FBXL5: variants seen among roughly 807,000 people sequenced by gnomAD.
FBXL5 encodes F-box/LRR-repeat protein 5.
Under a neutral mutation model 78.3 loss-of-function variants are expected in FBXL5, and 26 were observed. That is an observed-to-expected ratio of 0.33 (90% CI 0.24 to 0.46). The LOEUF (loss-of-function observed/expected upper bound fraction) is 0.46. Ranked by LOEUF, FBXL5 falls within the 20% of genes least tolerant of loss-of-function variation. FBXL5 has a pLI of 1.00. For missense variants in FBXL5, 710 were observed against 829.2 expected (o/e 0.86, Z 1.77); for synonymous variants, 295 against 282.5 (o/e 1.04, Z -0.45).
chr4:15,651,751 C>G (rs1055361250), intron 1 of FBXL5, among the ~76,000 whole-genome samples: 1 of 152,164 alleles, frequency 6.6e-6, no homozygotes, highest in Non-Finnish European at 1.5e-5. Context: ...GTAAACAGCA[C>G]TTTTAATACC....
At chr4:15,666,840 A>C (rs750036851) in intron 1 of FBXL5, among the ~76,000 whole-genome samples, 2 of 152,012 alleles carry the variant, frequency 1.3e-5, no homozygotes, top group African/African-American at 2.4e-5. Flanking sequence ...AACTAAACTA[A>C]ACTAAGAGTA....
chr4:15,613,201 G>A (rs1397130353), intron 9 of FBXL5, among the ~76,000 whole-genome samples: 2 of 152,128 alleles, frequency 1.3e-5, no homozygotes, highest in Non-Finnish European at 2.9e-5. Context: ...AAGGGGGAGT[G>A]AGAAGTGACT....
chr4:15,661,443 A>G (rs931294973), upstream of FBXL5, among the ~76,000 whole-genome samples: 1 of 152,222 alleles, frequency 6.6e-6, no homozygotes, highest in African/African-American at 2.4e-5. Flanking sequence ...TTTTACCTGT[A>G]AAATGAGCAG....
chr4:15,615,107 C>T (rs979903361), intron 9 of FBXL5, among the ~76,000 whole-genome samples: 3 of 152,164 alleles, frequency 2.0e-5, no homozygotes, highest in Non-Finnish European at 4.4e-5. Context: ...GCCAGCCCAC[C>T]GGCACCGCGC....
intron 1 of FBXL5, among the ~76,000 whole-genome samples, chr4:15,647,325 T>C (rs1715479470): frequency 6.6e-6 from 1 of 151,520 alleles, no homozygotes; most frequent in East Asian, 1.9e-4. Context: ...ATTTTCACTG[T>C]ATTATGTATT....
intron 2 of FBXL5, among the ~76,000 whole-genome samples, chr4:15,642,633 A>G (rs948251994): frequency 1.3e-5 from 2 of 152,188 alleles, no homozygotes; most frequent in Non-Finnish European, 2.9e-5. Context: ...CCCAATATTC[A>G]GTCTAATGTC....
At chr4:15,655,735 T>A (rs956006855), upstream of FBXL5, among the ~76,000 whole-genome samples, 1 of 152,194 alleles carries the variant, frequency 6.6e-6, no homozygotes, top group Non-Finnish European at 1.5e-5. Context: ...GCTCTGCTTG[T>A]GCCCACGCCC....
intron 9 of FBXL5, among the ~76,000 whole-genome samples, chr4:15,614,596 G>T (rs1022909052): frequency 2.0e-5 from 3 of 152,150 alleles, no homozygotes; most frequent in South Asian, 4.1e-4. Flanking sequence ...TGAGGGCAGG[G>T]TTATTCATGT....
chr4:15,639,228 CA>C (rs1198770359), intron 3 of FBXL5, among the ~76,000 whole-genome samples: 11 of 152,146 alleles, frequency 7.2e-5, no homozygotes, highest in Admixed American at 4.6e-4. Flanking sequence ...TAAATCAATC[CA>C]AAACAATTTT....
Position 15,624,554 on chromosome 4 carries a change from G to C in FBXL5, c.1850+698C>G, listed in dbSNP as rs573715987. Among the ~76,000 whole-genome samples, 3 of 150,992 alleles carry C rather than the reference G, an allele frequency of 2.0e-5. No individual in the cohort carries two copies. In the South Asian group the frequency reaches 6.3e-4, roughly 31 times the overall value. On this transcript the variant is annotated intron_variant, in intron 9 of 10. Transcript: ENST00000341285. ...AGCTGCTGAAAAGAGCTACCTGTCT[G>C]GGCTGACACATGTGTCACCTTCAGC...
chr4:15,615,894 T>C (rs963603954), intron 9 of FBXL5, among the ~76,000 whole-genome samples: 1 of 152,248 alleles, frequency 6.6e-6, no homozygotes, highest in Non-Finnish European at 1.5e-5. Context: ...CCTTCCACAC[T>C]GTGGAAGCTT....
intron 5 of FBXL5, 121 bp from the exon 6 acceptor site, chr4:15,630,912 T>C: frequency 1.6e-6 from 2 of 1,252,748 alleles, no homozygotes; most frequent in Middle Eastern, 1.9e-4. Flanking sequence ...CCCTAGGCAA[T>C]AAGCAACTGT....
At chr4:15,618,316 A>G (rs1712117266) in intron 9 of FBXL5, among the ~76,000 whole-genome samples, 1 of 152,146 alleles carries the variant, frequency 6.6e-6, no homozygotes, top group South Asian at 2.1e-4. Flanking sequence ...AGGATTGCTT[A>G]TACCTAGGAG....
intron 9 of FBXL5, among the ~76,000 whole-genome samples, chr4:15,620,769 G>T (rs1020398266): frequency 3.3e-4 from 51 of 152,356 alleles, no homozygotes; most frequent in South Asian, 8.3e-4. Context: ...GGGAATGAGG[G>T]CAAAGAACAC....
At chr4:15,673,422 C>G (rs1717845179) in intron 1 of FBXL5, among the ~76,000 whole-genome samples, 1 of 152,080 alleles carries the variant, frequency 6.6e-6, no homozygotes, top group African/African-American at 2.4e-5. Context: ...CCCTGGGCAA[C>G]AGAGTGAGAC....
rs865877676 is a variant in FBXL5, at chr4:15,621,538, T to C, written c.1850+3714A>G. 4.6e-5 allele frequency among the ~76,000 whole-genome samples: 7 copies of C among 152,238 alleles called. No homozygotes were observed. In the Middle Eastern group the frequency reaches 0.014, roughly 296 times the overall value. ...TTCATCAACAGATGGATAAACATAA[T>C]GTGGTATATAAAAAGGAATGACGTT... is the stretch of plus-strand genomic sequence containing the variant. On this transcript the variant is annotated intron_variant, in intron 9 of 10. Transcript: ENST00000341285.
chr4:15,647,695 T>C (rs1045781939), intron 1 of FBXL5, among the ~76,000 whole-genome samples: 2 of 152,166 alleles, frequency 1.3e-5, no homozygotes, highest in African/African-American at 2.4e-5. Flanking sequence ...ACAGGTAGAA[T>C]CTATATCCAG....
At chr4:15,659,609 G>T, upstream of FBXL5, 1 of 289,036 alleles carries the variant, frequency 3.5e-6, no homozygotes, top group Non-Finnish European at 5.2e-6. Context: ...TAAAATCATA[G>T]TCTCTTTCAT....
chr4:15,667,552 G>A (rs1220413472), intron 1 of FBXL5, among the ~76,000 whole-genome samples: 1 of 151,880 alleles, frequency 6.6e-6, no homozygotes, highest in Non-Finnish European at 1.5e-5. Context: ...CAGATCACAG[G>A]CAAACTATAG....
Sources: allele counts gnomAD v4.1 joint callset (sites outside exome capture counted in the v4.1 genomes callset), GRCh38; gene constraint gnomAD v4.1.1; transcripts MANE v1.5; gene names NCBI Gene and HGNC (gene_info 2026-07-23, HGNC 2026-07-21).